The following IGF2BP3 variants were observed in gnomAD, a reference collection of about 807,000 sequenced individuals.
The protein encoded by IGF2BP3 is insulin-like growth factor 2 mRNA-binding protein 3.
Under a neutral mutation model 73.8 loss-of-function variants are expected in IGF2BP3, and 9 were observed. The observed-to-expected ratio is 0.12, with a 90% CI of 0.07 to 0.21. The LOEUF is 0.21. Ranked by LOEUF, IGF2BP3 falls within the 10% of genes least tolerant of loss-of-function variation. IGF2BP3 has a pLI of 1.00. For missense variants in IGF2BP3, 542 were observed against 714.0 expected (o/e 0.76, Z 2.75); for synonymous variants, 258 against 256.7 (o/e 1.01, Z -0.05).
chr7:23,358,178 T>C (rs1785143245), intron 5 of IGF2BP3, among the ~76,000 whole-genome samples: 1 of 152,238 alleles, frequency 6.6e-6, no homozygotes, highest in Non-Finnish European at 1.5e-5. Context: ...CAGATTAACT[T>C]GACCAAAGTC....
chr7:23,363,209 T>C lies in IGF2BP3; in HGVS notation c.286-1468A>G, dbSNP rs577691241. 2.0e-5 allele frequency among the ~76,000 whole-genome samples: 3 copies of C among 152,376 alleles called. No individual in the cohort carries two copies. In the East Asian group the frequency reaches 5.8e-4, roughly 29 times the overall value. On this transcript the variant is annotated intron_variant, in intron 3 of 14. Transcript: ENST00000258729. ...GTATATTTTAGGCTTTTGTCTACTGTTTCCAGTTTGAAACATATAACAAGG... is the reference window on the plus strand; with the variant it reads ...GTATATTTTAGGCTTTTGTCTACTGCTTCCAGTTTGAAACATATAACAAGG...
At chr7:23,452,647 CA>C (rs1168822924) in intron 2 of IGF2BP3, among the ~76,000 whole-genome samples, 2 of 149,996 alleles carry the variant, frequency 1.3e-5, no homozygotes, top group African/African-American at 2.5e-5. Flanking sequence ...ATTAAAAATA[CA>C]AAAAATTAGC....
chr7:23,437,604 G>C (rs1247316882), intron 2 of IGF2BP3, among the ~76,000 whole-genome samples: 2 of 152,124 alleles, frequency 1.3e-5, no homozygotes, highest in East Asian at 3.8e-4. Flanking sequence ...TGCCAATTCT[G>C]ATAGAAGCAA....
At chr7:23,334,823 A>C (rs925681653) in intron 10 of IGF2BP3, among the ~76,000 whole-genome samples, 3 of 152,220 alleles carry the variant, frequency 2.0e-5, no homozygotes, top group African/African-American at 7.2e-5. Flanking sequence ...AAGTATGAGC[A>C]AACAGTAAGG....
intron 14 of IGF2BP3, 99 bp from the exon 15 acceptor site, chr7:23,312,559 T>G: frequency 1.0e-6 from 1 of 982,382 alleles, no homozygotes; most frequent in Non-Finnish European, 1.6e-6. Flanking sequence ...ATCCATTTGA[T>G]GATTAAAGAT....
At chr7:23,418,963 C>A in intron 2 of IGF2BP3, 139 bp from the exon 3 acceptor site, 1 of 579,240 alleles carries the variant, frequency 1.7e-6, no homozygotes. Context: ...AAAATACAGC[C>A]CAAGAAGGAA....
chr7:23,447,200 G>GAC (rs150467544), intron 2 of IGF2BP3, among the ~76,000 whole-genome samples: 26 of 150,746 alleles, frequency 1.7e-4, no homozygotes, highest in Non-Finnish European at 2.8e-4. Context: ...GACTCTGACT[G>GAC]ACACACACAC....
intron 3 of IGF2BP3, among the ~76,000 whole-genome samples, chr7:23,397,949 C>T (rs1325982808): frequency 2.0e-5 from 3 of 152,120 alleles, no homozygotes; most frequent in African/African-American, 2.4e-5. Flanking sequence ...ACAAAAGGGG[C>T]GAGAGAGGAG....
rs113060186 is a variant in IGF2BP3, at chr7:23,386,828, AG to A, written c.286-25088del. Among the ~76,000 whole-genome samples, 558 of 152,262 alleles carry A rather than the reference AG, an allele frequency of 3.7e-3. 4 individuals carry two copies. The highest frequency in any genetic ancestry group is 0.012 in the African/African-American group (485 of 41,542). On this transcript the variant is annotated intron_variant, in intron 3 of 14. Coordinates refer to ENST00000258729, the MANE Select transcript of IGF2BP3 (RefSeq NM_006547.3). ...CACACCCATAATCCCAGCACTTTGG[AG>A]GCCAAGGCAGGTGGATCACCTGAGG...
intron 3 of IGF2BP3, among the ~76,000 whole-genome samples, chr7:23,371,471 T>C (rs1785546303): frequency 6.6e-6 from 1 of 152,208 alleles, no homozygotes; most frequent in African/African-American, 2.4e-5. Flanking sequence ...AGGTTCCAAA[T>C]AATCATTTCC....
intron 3 of IGF2BP3, among the ~76,000 whole-genome samples, chr7:23,418,393 T>C (rs1404184930): frequency 6.6e-6 from 1 of 152,216 alleles, no homozygotes; most frequent in African/African-American, 2.4e-5. Context: ...CAGAATAACA[T>C]TTTAAAGTAA....
chr7:23,321,278 G>T (rs912069354), intron 10 of IGF2BP3, among the ~76,000 whole-genome samples: 1 of 152,194 alleles, frequency 6.6e-6, no homozygotes, highest in African/African-American at 2.4e-5. Flanking sequence ...AGGGGTCAGG[G>T]AGTTCCCTTT....
Position 23,343,752 on chromosome 7 carries a change from C to A in IGF2BP3, c.1043G>T (p.Arg348Met). 1 of 1,612,526 alleles carries A rather than the reference C, an allele frequency of 6.2e-7. No individual in the cohort carries two copies. Among genetic ancestry groups the A allele is most frequent in the Non-Finnish European group, 8.5e-7 (1 of 1,179,592 alleles). The change falls in exon 9 of 15, where the codon AGG (arginine) becomes ATG (methionine). Residue 348 changes from arginine to methionine, a missense_variant. Physicochemically the swap from Arg to Met is moderately conservative, Grantham distance 91. This residue lies in a region of IGF2BP3 where 303 missense variants were observed against 472.1 expected (regional missense o/e 0.64). Transcript: ENST00000258729. Reference protein sequence around the residue: ...KAEEEIMKKIRESYENDIASM... With the variant: ...KAEEEIMKKIMESYENDIASM... ...AGCAATATCATTTTCATAAGACTCC[C>A]TGATTTTCTTCATGATCTCCTCCTC...
Position 23,312,137 on chromosome 7 carries a change from T to G in IGF2BP3, c.*225A>C. On this transcript the variant is annotated 3_prime_UTR_variant, in exon 15 of 15. Coordinates refer to ENST00000258729, the MANE Select transcript of IGF2BP3 (RefSeq NM_006547.3). ...CCTCCCTCCCCCACCCTTTTTTTGT[T>G]TGTTTGTTTGTTTGTTTTAAAGCTG... 7 of 439,788 alleles carry G rather than the reference T, an allele frequency of 1.6e-5. No individual in the cohort carries two copies. The highest frequency in any genetic ancestry group is 2.4e-5 in the Non-Finnish European group (6 of 245,900). 27.2% of individuals were successfully genotyped at this position (439,788 alleles called of 1,614,324 possible).
chr7:23,386,963 AG>A lies in IGF2BP3; in HGVS notation c.286-25223del, dbSNP rs1786101830. On this transcript the variant is annotated intron_variant, in intron 3 of 14. Coordinates refer to ENST00000258729, the MANE Select transcript of IGF2BP3 (RefSeq NM_006547.3). ...GTACCTGTAATCCCAGCTACTGGGGAGGCTGAGGCAGGAGAATTGCTTGAAC... is the reference window on the plus strand; with the variant it reads ...GTACCTGTAATCCCAGCTACTGGGGAGCTGAGGCAGGAGAATTGCTTGAAC... Among the ~76,000 whole-genome samples the A allele has an allele frequency of 2.7e-5, 4 of 150,812 alleles. No individual in the cohort carries two copies. The South Asian group carries it at 8.4e-4, about 32-fold the overall frequency.
intron 10 of IGF2BP3, among the ~76,000 whole-genome samples, chr7:23,339,821 G>C (rs574388644): frequency 8.5e-5 from 13 of 152,256 alleles, no homozygotes; most frequent in Admixed American, 5.9e-4. Context: ...ATTTTATACA[G>C]AAGTGTTGGG....
chr7:23,381,454 A>G (rs900168303), intron 3 of IGF2BP3, among the ~76,000 whole-genome samples: 2 of 152,214 alleles, frequency 1.3e-5, no homozygotes, highest in Non-Finnish European at 2.9e-5. Flanking sequence ...GCAAGCACAG[A>G]AAGTTGATAA....
chr7:23,363,750 G>C (rs1785291867), intron 3 of IGF2BP3, among the ~76,000 whole-genome samples: 1 of 152,160 alleles, frequency 6.6e-6, no homozygotes, highest in Non-Finnish European at 1.5e-5. Flanking sequence ...TATTTCATGA[G>C]TGAAGTGAAT....
chr7:23,422,106 C>T (rs1051483520), intron 2 of IGF2BP3, among the ~76,000 whole-genome samples: 1 of 152,064 alleles, frequency 6.6e-6, no homozygotes, highest in Non-Finnish European at 1.5e-5. Flanking sequence ...AAGTATCTAA[C>T]ACAGTAAGGA....
Sources: gnomAD v4.1 joint callset for allele counts (sites outside exome capture counted in the v4.1 genomes callset) on GRCh38, gnomAD v4.1.1 for gene constraint, gnomAD v4.1.1 regional missense constraint, MANE v1.5 for transcripts, NCBI Gene and HGNC (gene_info 2026-07-23, HGNC 2026-07-21) for gene names.